ARHGEF40: variants seen among roughly 807,000 people sequenced by gnomAD.
ARHGEF40 encodes the protein Rho guanine nucleotide exchange factor 40.
ARHGEF40 carries 98 observed loss-of-function variants against 165.9 expected under a neutral mutation model. The observed-to-expected ratio is 0.59, with a 90% CI of 0.50 to 0.70. The LOEUF (loss-of-function observed/expected upper bound fraction) is 0.70. ARHGEF40 is among the 30% of genes least tolerant of loss of function. The pLI is 0.00. For synonymous variants in ARHGEF40, 792 were observed against 814.3 expected (o/e 0.97, Z 0.47); for missense variants, 1,815 against 1,968.0 (o/e 0.92, Z 1.47).
chr14:21,079,179 G>T (rs1355960746), intron 11 of ARHGEF40, among the ~76,000 whole-genome samples, 169 bp downstream of exon 11: 1 of 152,156 alleles, frequency 6.6e-6, no homozygotes. Flanking sequence ...GAGGGTGGGA[G>T]CATCATAGCA....
upstream of ARHGEF40, among the ~76,000 whole-genome samples, chr14:21,069,708 G>A (rs1319941521): frequency 5.3e-5 from 8 of 152,246 alleles, no homozygotes; most frequent in African/African-American, 1.9e-4. Flanking sequence ...AGGGAAAGGA[G>A]GGCGGGCAAG....
chr14:21,087,597 C>A, intron 21 of ARHGEF40, 134 bp downstream of exon 21: 2 of 1,284,704 alleles, frequency 1.6e-6, no homozygotes, highest in African/African-American at 1.5e-5. Context: ...GCTTCCCCAC[C>A]GCTAAAAGAG....
rs200069601 is a variant in ARHGEF40, at chr14:21,075,536, G to T, written c.1618+37G>T. 7.4e-6 allele frequency: 12 copies of T among 1,614,094 alleles called. 1 individual carries two copies. The African/African-American group carries it at 1.2e-4, about 16-fold the overall frequency. On this transcript the variant is annotated intron_variant, in intron 4 of 23. Transcript: ENST00000298694. This position sits in a 1 kb window ranked among gnomAD's most constrained non-coding sequence, Gnocchi z 4.5. ...TCAGTGGGTGAAGGGAAACAGGACT[G>T]GGAAAGAGAAGCAATTGGGTGGGCT... is the stretch of plus-strand genomic sequence containing the variant.
In ARHGEF40 at chr14:21,076,441, C is replaced by T. The variant is rs766876446; in HGVS notation, c.1821C>T (p.Ala607=). The T allele has an allele frequency of 6.2e-7, 1 of 1,614,026 alleles. No individual in the cohort carries two copies. Among genetic ancestry groups the T allele is most frequent in the Admixed American group, 1.7e-5 (1 of 60,038 alleles). Residue 607 remains alanine, a synonymous_variant, in exon 6 of 24, where the codon GCC becomes GCT. Coordinates refer to ENST00000298694, the MANE Select transcript of ARHGEF40 (RefSeq NM_018071.5). ...APPLPPALIP[A]LSQLQDSGDP... ...CACTGCCTCCAGCACTCATTCCTGC[C>T]TTGAGCCAACTTCAGGTAACCACCC...
Position 21,075,830 on chromosome 14 carries a change from CT to C in ARHGEF40, c.1739+67del. ...CCTGATTCATGAGGACCCTCACCTC[CT>C]TCTTCTCAGGACACTGACCTTCTGA... On this transcript the variant is annotated intron_variant, in intron 5 of 23. Transcript: ENST00000298694. The surrounding 1 kb of genome is among the most constrained non-coding windows in gnomAD (Gnocchi z 4.5). 1.3e-6 allele frequency: 2 copies of C among 1,570,436 alleles called. No individual in the cohort carries two copies. Among genetic ancestry groups the C allele is most frequent in the Non-Finnish European group, 1.7e-6 (2 of 1,155,674 alleles).
Position 21,080,879 on chromosome 14 carries a change from C to T in ARHGEF40, c.2503C>T (p.Leu835=). 1 of 1,613,694 alleles carries T rather than the reference C, an allele frequency of 6.2e-7. No homozygotes were observed. Among genetic ancestry groups the T allele is most frequent in the Non-Finnish European group, 8.5e-7 (1 of 1,179,780 alleles). ...RAFSAEVQER[L]AQAREALALE... ...CGCAGCCTCCCTTCTCCAGGAGCGC[C>T]TGGCCCAGGCACGGGAGGCCCTGGC... The change falls in exon 13 of 24, where the codon CTG becomes TTG. Residue 835 remains leucine, a synonymous_variant. Coordinates refer to ENST00000298694, the MANE Select transcript of ARHGEF40 (RefSeq NM_018071.5).
At chr14:21,080,536 C>A in intron 11 of ARHGEF40, 124 bp from the exon 12 acceptor site, 1 of 1,086,080 alleles carries the variant, frequency 9.2e-7, no homozygotes, top group Non-Finnish European at 1.3e-6. Context: ...TCCCACATTG[C>A]AGATGAGATG....
At position 21,075,232 on chromosome 14, in the gene ARHGEF40, C is replaced by A; in HGVS notation, c.1450+52C>A. On this transcript the variant is annotated intron_variant, in intron 3 of 23. Transcript: ENST00000298694. This position sits in a 1 kb window ranked among gnomAD's most constrained non-coding sequence, Gnocchi z 4.5. ...GGGGCAAGGGCCAAAGCAGGTCGGG[C>A]CTATGGGAGGGGGCAGGAGGAGGAG... 6.3e-7 allele frequency: 1 copy of A among 1,584,914 alleles called. No individual in the cohort carries two copies. Among genetic ancestry groups the A allele is most frequent in the Non-Finnish European group, 8.6e-7 (1 of 1,166,176 alleles).
Position 21,070,527 on chromosome 14 carries a change from C to G in ARHGEF40, c.3+128C>G. On this transcript the variant is annotated intron_variant, in intron 1 of 23. Coordinates refer to ENST00000298694, the MANE Select transcript of ARHGEF40 (RefSeq NM_018071.5). This position sits in a 1 kb window ranked among gnomAD's most constrained non-coding sequence, Gnocchi z 4.7. ...GTTCGGCCCCTCTGGGACTCTCCTC[C>G]CTCCCATCCCCCCTTCTTCGATTTG... 1 of 1,135,658 alleles carries G rather than the reference C, an allele frequency of 8.8e-7. No individual in the cohort carries two copies. Among genetic ancestry groups the G allele is most frequent in the Non-Finnish European group, 1.2e-6 (1 of 841,080 alleles). The allele number at this position is 1,135,658 out of a possible 1,614,324, so 70.3% of individuals were successfully genotyped here. A position where few individuals can be genotyped will look rare whatever the true frequency, so the allele number is the denominator to read the frequency against.
chr14:21,088,330 C>T (rs1888540507), intron 22 of ARHGEF40, among the ~76,000 whole-genome samples: 2 of 152,036 alleles, frequency 1.3e-5, no homozygotes, highest in Non-Finnish European at 2.9e-5. Context: ...GAGTATAGTG[C>T]TGGGGTGGAT....
chr14:21,086,940 A>C, intron 19 of ARHGEF40, 61 bp from the exon 20 acceptor site: 7 of 1,293,558 alleles, frequency 5.4e-6, no homozygotes, highest in Non-Finnish European at 7.5e-6. Context: ...ATCAACCATG[A>C]CATGCTAGGG....
Position 21,089,563 on chromosome 14 carries a change from T to G in ARHGEF40, c.*555T>G, listed in dbSNP as rs567765621. 8 of 152,828 alleles carry G rather than the reference T, an allele frequency of 5.2e-5. No individual in the cohort carries two copies. The highest frequency in any genetic ancestry group is 1.7e-4 in the African/African-American group (7 of 41,586). The allele number at this position is 152,828 out of a possible 1,614,324, so 9.5% of individuals were successfully genotyped here. A position where few individuals can be genotyped will look rare whatever the true frequency, so the allele number is the denominator to read the frequency against. On this transcript the variant is annotated 3_prime_UTR_variant, in exon 24 of 24. Transcript: ENST00000298694. ...TACTCACACTTTGCCTCTAAGGAGC[T>G]AGAGTAGTCCTCTGGATTAAGGTGA...
rs903771794 is a variant in ARHGEF40 at position 21,087,922 on chromosome 14, T to C, written c.4388-46T>C. 4 of 1,611,740 alleles carry C rather than the reference T, an allele frequency of 2.5e-6. No homozygotes were observed. The African/African-American group carries it at 5.3e-5, about 22-fold the overall frequency. On this transcript the variant is annotated intron_variant, in intron 21 of 23. Transcript: ENST00000298694. ...GGAGCAGCTTGGTTGCTTAAGGTAATCTGGAGGGATTCTGTACTCTGCTCT... is the reference window on the plus strand; with the variant it reads ...GGAGCAGCTTGGTTGCTTAAGGTAACCTGGAGGGATTCTGTACTCTGCTCT...
chr14:21,069,034 G>T (rs923103234), upstream of ARHGEF40, among the ~76,000 whole-genome samples: 2 of 152,222 alleles, frequency 1.3e-5, no homozygotes, highest in Non-Finnish European at 2.9e-5. Flanking sequence ...CCAGCTGCAG[G>T]GGCACACGCG....
Position 21,075,632 on chromosome 14 carries a change from T to G in ARHGEF40, c.1619-13T>G. ...CTCCCAGCCAGGACAGCCTGGCCAT[T>G]TTGTGTCTTCAGGAGGGGTGGACCA... On this transcript the variant is annotated splice_polypyrimidine_tract_variant and intron_variant, in intron 4 of 23. Coordinates refer to ENST00000298694, the MANE Select transcript of ARHGEF40 (RefSeq NM_018071.5). This position sits in a 1 kb window ranked among gnomAD's most constrained non-coding sequence, Gnocchi z 4.5. 6.2e-7 allele frequency: 1 copy of G among 1,613,970 alleles called. No homozygotes were observed. Among genetic ancestry groups the G allele is most frequent in the Non-Finnish European group, 8.5e-7 (1 of 1,179,994 alleles).
chr14:21,086,193 A>G (rs1045423317), intron 19 of ARHGEF40: 1 of 279,988 alleles, frequency 3.6e-6, no homozygotes, highest in Non-Finnish European at 6.9e-6. Flanking sequence ...GCCTGGGCAC[A>G]TAGTGAGACC....
At position 21,081,514 on chromosome 14, in the gene ARHGEF40, T is replaced by C. The variant is rs760290376; in HGVS notation, c.2646T>C (p.His882=). 6.2e-7 allele frequency: 1 copy of C among 1,612,786 alleles called. No individual in the cohort carries two copies. Among genetic ancestry groups the C allele is most frequent in the African/African-American group, 1.3e-5 (1 of 74,922 alleles). ...LRLQRFFQQA[H]EWVDEGFARL... The stretch of plus-strand genomic sequence containing the variant: ...CAACCCCTTTGACTTCGTAGGCACA[T>C]GAATGGGTGGATGAGGGCTTTGCTC... The change falls in exon 14 of 24, where the codon CAT becomes CAC. Residue 882 remains histidine (H), a synonymous_variant. Coordinates refer to ENST00000298694, the MANE Select transcript of ARHGEF40 (RefSeq NM_018071.5).
At position 21,089,168 on chromosome 14, in the gene ARHGEF40, C is replaced by T; in HGVS notation, c.*160C>T. ...AACGACCAGAGTATTGCCCTGCCAC[C>T]ACTATCTCTAGTCTCCCTAGCTTGG... is the stretch of plus-strand genomic sequence containing the variant. On this transcript the variant is annotated 3_prime_UTR_variant, in exon 24 of 24. Coordinates refer to ENST00000298694, the MANE Select transcript of ARHGEF40 (RefSeq NM_018071.5). 2.6e-6 allele frequency: 1 copy of T among 382,650 alleles called. No homozygotes were observed. Among genetic ancestry groups the T allele is most frequent in the Non-Finnish European group, 4.7e-6 (1 of 212,036 alleles). The allele number at this position is 382,650 out of a possible 1,614,324, so 23.7% of individuals were successfully genotyped here.
At position 21,074,375 on chromosome 14, in the gene ARHGEF40, T is replaced by C; in HGVS notation, c.645T>C (p.Pro215=). The part of the protein sequence containing the change: ...LPSGPPGLPS[P]PLPEEALGTR... Reference sequence around the variant, plus strand: ...CTGGACCTCCAGGGCTTCCCAGCCCTCCACTTCCTGAGGAGGCGCTGGGTA... The same window carrying C: ...CTGGACCTCCAGGGCTTCCCAGCCCCCCACTTCCTGAGGAGGCGCTGGGTA... Residue 215 remains proline, a synonymous_variant, in exon 3 of 24, where the codon CCT becomes CCC. Transcript: ENST00000298694. This position sits in a 1 kb window ranked among gnomAD's most constrained non-coding sequence, Gnocchi z 4.8. The C allele has an allele frequency of 1.2e-6, 2 of 1,613,770 alleles. No individual in the cohort carries two copies. Among genetic ancestry groups the C allele is most frequent in the Non-Finnish European group, 1.7e-6 (2 of 1,179,904 alleles).
Sources: allele counts gnomAD v4.1 joint callset (sites outside exome capture counted in the v4.1 genomes callset), GRCh38; gene constraint gnomAD v4.1.1; non-coding constraint Gnocchi (gnomAD v3.1); transcripts MANE v1.5; gene names NCBI Gene and HGNC (gene_info 2026-07-23, HGNC 2026-07-21).